Variants in BOLL observed in about 807,000 individuals in gnomAD.
BOLL encodes the protein protein boule-like.
A neutral mutation model predicts 44.4 loss-of-function variants in BOLL; 23 were observed. The ratio of observed to expected loss-of-function variants is 0.52; its 90% CI spans 0.37 to 0.73. The LOEUF (loss-of-function observed/expected upper bound fraction) is 0.73, where lower values mean the gene tolerates loss of function less well. BOLL is among the 30% of genes least tolerant of loss of function. The probability of loss-of-function intolerance (pLI) is 0.00; values close to 1 mark genes in which losing one functional copy is unlikely to be tolerated. For synonymous variants in BOLL, 97 were observed against 110.8 expected, an observed-to-expected ratio of 0.88 and a Z score of 0.78; for missense variants, 287 against 338.3, an observed-to-expected ratio of 0.85 and a Z score of 1.19.
chr2:197,759,871 C>T (rs546358191), intron 7 of BOLL, among the ~76,000 whole-genome samples: 128 of 152,334 alleles, frequency 8.4e-4, no homozygotes, highest in African/African-American at 2.9e-3. Flanking sequence ...AGGTGCCTCA[C>T]GCCCTGCAGA....
chr2:197,766,753 C>T, intron 6 of BOLL, 150 bp from the exon 7 acceptor site: 1 of 609,118 alleles, frequency 1.6e-6, no homozygotes. Context: ...TGATTACCAA[C>T]TCTACTAAGT....
chr2:197,749,550 T>C (rs529766383), intron 9 of BOLL, among the ~76,000 whole-genome samples: 4 of 151,900 alleles, frequency 2.6e-5, no homozygotes, highest in Non-Finnish European at 5.9e-5. Context: ...AGTGACCTGA[T>C]GGAACTGAAA....
At chr2:197,730,796 A>G (rs1156913155) in intron 10 of BOLL, among the ~76,000 whole-genome samples, 2 of 152,174 alleles carry the variant, frequency 1.3e-5, no homozygotes, top group Non-Finnish European at 2.9e-5. Flanking sequence ...CCTGCCTTAC[A>G]AGAGCTCCTA....
chr2:197,728,470 G>C lies in BOLL; in HGVS notation c.*85C>G. 2 of 1,605,080 alleles carry C rather than the reference G, an allele frequency of 1.2e-6. No individual in the cohort carries two copies. Among genetic ancestry groups the C allele is most frequent in the Non-Finnish European group, 1.7e-6 (2 of 1,171,968 alleles). On this transcript the variant is annotated 3_prime_UTR_variant, in exon 11 of 11. Coordinates refer to ENST00000392296, the MANE Select transcript of BOLL (RefSeq NM_033030.6). ...TAAGTTTCACAACGGGCAGCTTCTA[G>C]CTGGTTCGTTGAAGCTGGATCTCGG... is the stretch of plus-strand genomic sequence containing the variant.
chr2:197,728,417 CTG>C lies in BOLL; in HGVS notation c.*136_*137del. ...ATTTAGACAGCTTATAGTGGAATAA[CTG>C]AGTATGGTGAGGTATTAACTAACAC... On this transcript the variant is annotated 3_prime_UTR_variant, in exon 11 of 11. Coordinates refer to ENST00000392296, the MANE Select transcript of BOLL (RefSeq NM_033030.6). The C allele has an allele frequency of 4.5e-6, 6 of 1,345,282 alleles. No homozygotes were observed. Among genetic ancestry groups the C allele is most frequent in the East Asian group, 2.3e-5 (1 of 42,828 alleles). The allele number at this position is 1,345,282 out of a possible 1,614,324, so 83.3% of individuals were successfully genotyped here.
intron 2 of BOLL, 37 bp downstream of exon 2, chr2:197,781,685 T>G (rs924023743): frequency 7.7e-6 from 11 of 1,435,882 alleles, no homozygotes; most frequent in Non-Finnish European, 1.0e-5. Flanking sequence ...AGACTTCTAA[T>G]GAAAAAATAC....
intron 2 of BOLL, among the ~76,000 whole-genome samples, chr2:197,780,075 G>T (rs759052905): frequency 2.6e-5 from 4 of 151,920 alleles, no homozygotes; most frequent in Non-Finnish European, 2.9e-5. Context: ...AACAGAAAAT[G>T]AAATCAATGC....
At chr2:197,762,701 T>C (rs1474167705) in intron 7 of BOLL, among the ~76,000 whole-genome samples, 1 of 152,078 alleles carries the variant, frequency 6.6e-6, no homozygotes, top group African/African-American at 2.4e-5. Flanking sequence ...AAACACAGCA[T>C]ACCAAAACCT....
chr2:197,782,612 G>A (rs1159700115), intron 1 of BOLL, among the ~76,000 whole-genome samples: 2 of 152,080 alleles, frequency 1.3e-5, no homozygotes, highest in African/African-American at 4.8e-5. Flanking sequence ...CCTATATCCT[G>A]TAAGTTCTAA....
At chr2:197,750,711 C>A (rs1168935805) in intron 9 of BOLL, among the ~76,000 whole-genome samples, 41 of 152,130 alleles carry the variant, frequency 2.7e-4, no homozygotes, top group Admixed American at 2.7e-3. Flanking sequence ...GACTTTAACA[C>A]CCCACTGTCA....
rs115676920 is a variant in BOLL, at chr2:197,767,337, T to G, written c.481-734A>C. On this transcript the variant is annotated intron_variant, in intron 6 of 10. Coordinates refer to ENST00000392296, the MANE Select transcript of BOLL (RefSeq NM_033030.6). ...ATGTGGGATCTAACTTATATTGTTT[T>G]GTTTAATGTTTGCACCCCCGAAACT... Among the ~76,000 whole-genome samples, 760 of 152,138 alleles carry G rather than the reference T, an allele frequency of 5.0e-3. 2 individuals are homozygous for G. The highest frequency in any genetic ancestry group is 0.017 in the African/African-American group (720 of 41,556).
intron 7 of BOLL, 77 bp downstream of exon 7, chr2:197,766,455 G>T: frequency 8.2e-7 from 1 of 1,218,850 alleles, no homozygotes; most frequent in Non-Finnish European, 1.2e-6. Flanking sequence ...GTAGTTGCAT[G>T]AGAAAGAAAT....
upstream of BOLL, among the ~76,000 whole-genome samples, chr2:197,785,691 G>T (rs1690044496): frequency 6.6e-6 from 1 of 152,224 alleles, no homozygotes; most frequent in African/African-American, 2.4e-5. This position sits in a 1 kb window ranked among gnomAD's most constrained non-coding sequence, Gnocchi z 6.7. Context: ...TTCGCTGGGT[G>T]CCTGGCAGCC....
chr2:197,777,027 G>T, intron 4 of BOLL, 32 bp downstream of exon 4: 1 of 1,490,772 alleles, frequency 6.7e-7, no homozygotes, highest in Non-Finnish European at 9.1e-7. Context: ...AAAATTTCCA[G>T]AAATGAAGTT....
At position 197,785,282 on chromosome 2, in the gene BOLL, C is replaced by T. The variant is rs112898725; in HGVS notation, c.-242G>A. 0.2 allele frequency: 194,657 copies of T among 985,128 alleles called. 19,444 individuals are homozygous for T. Among genetic ancestry groups the T allele is most frequent in the East Asian group, 0.28 (2,439 of 8,784 alleles). The allele number at this position is 985,128 out of a possible 1,614,324, so 61.0% of individuals were successfully genotyped here. On this transcript the variant is annotated 5_prime_UTR_variant, in exon 1 of 11. Coordinates refer to ENST00000392296, the MANE Select transcript of BOLL (RefSeq NM_033030.6). The surrounding 1 kb of genome is among the most constrained non-coding windows in gnomAD (Gnocchi z 6.7). ...CGCCAGCAGCAGTGGCGGGAAGCCT[C>T]AACGGCAGCGACCCCGCCGCTGGCC...
intron 9 of BOLL, among the ~76,000 whole-genome samples, chr2:197,743,383 C>A (rs1458033641): frequency 2.0e-5 from 3 of 152,126 alleles, no homozygotes; most frequent in Non-Finnish European, 4.4e-5. Flanking sequence ...TCAGAATGAT[C>A]ATAAATCCTA....
intron 7 of BOLL, among the ~76,000 whole-genome samples, chr2:197,763,495 AAAG>A (rs1250783265): frequency 3.4e-5 from 5 of 147,868 alleles, no homozygotes; most frequent in Admixed American, 6.6e-5. Context: ...AAAAAAAAAA[AAAG>A]AAAGAAAACC....
intron 10 of BOLL, among the ~76,000 whole-genome samples, chr2:197,734,643 GT>G (rs1176681602): frequency 2.0e-5 from 3 of 152,116 alleles, no homozygotes; most frequent in Non-Finnish European, 4.4e-5. Context: ...AAAATGATGA[GT>G]TCATGTCCTT....
intron 9 of BOLL, among the ~76,000 whole-genome samples, chr2:197,743,768 T>C (rs1383426101): frequency 1.3e-5 from 2 of 152,180 alleles, no homozygotes; most frequent in Non-Finnish European, 2.9e-5. Context: ...AATATTATCA[T>C]ATAAAAGTAC....
Sources: allele counts gnomAD v4.1 joint callset (sites outside exome capture counted in the v4.1 genomes callset), GRCh38; gene constraint gnomAD v4.1.1; non-coding constraint Gnocchi (gnomAD v3.1); transcripts MANE v1.5; gene names NCBI Gene and HGNC (gene_info 2026-07-23, HGNC 2026-07-21).